The following EYS variants were observed in gnomAD, a reference collection of about 807,000 sequenced individuals.
EYS encodes the protein protein eyes shut homolog.
In EYS, 250 loss-of-function variants were observed where a neutral mutation model predicts 282.1. The observed-to-expected ratio is 0.89, with a 90% CI of 0.80 to 0.98. The LOEUF (loss-of-function observed/expected upper bound fraction) is 0.98. Among genes scored for constraint, EYS ranks in the 50% least tolerant of loss-of-function variants. The pLI, the probability that EYS is intolerant of heterozygous loss-of-function variation, is 0.00. For synonymous variants in EYS, 1,355 were observed against 1,282.9 expected, an observed-to-expected ratio of 1.06 and a Z score of -1.20; for missense variants, 4,016 against 3,709.0, an observed-to-expected ratio of 1.08 and a Z score of -2.15.
At chr6:65,498,817 T>C (rs1766346973) in intron 2 of EYS, among the ~76,000 whole-genome samples, 1 of 152,006 alleles carries the variant, frequency 6.6e-6, no homozygotes, top group Non-Finnish European at 1.5e-5. Flanking sequence ...TGATGTTATG[T>C]GTCTCAGTTT....
chr6:64,225,327 G>A (rs1216627209), intron 31 of EYS, among the ~76,000 whole-genome samples: 1 of 151,904 alleles, frequency 6.6e-6, no homozygotes, highest in East Asian at 1.9e-4. Context: ...CCCAATTCCT[G>A]GAAACTGTGC....
intron 22 of EYS, among the ~76,000 whole-genome samples, chr6:64,670,414 T>TAAAA (rs1769410240): frequency 7.4e-6 from 1 of 134,260 alleles, no homozygotes; most frequent in Non-Finnish European, 1.6e-5. Context: ...AATAAATAAA[T>TAAAA]AAATAAATAA....
Position 64,822,692 on chromosome 6 carries a change from T to A in EYS, c.3123A>T (p.Thr1041=), listed in dbSNP as rs1220615435. Residue 1041 remains threonine, a synonymous_variant, in exon 20 of 43, where the codon ACA becomes ACT. Transcript: ENST00000503581. The part of the protein sequence containing the change: ...KSGFFGTHCE[T]NANDCLSNPC... Reference sequence around the variant, plus strand: ...GATTTGAAAGGCAATCATTGGCGTTTGTTTCACAGTGTGTTCCAAAAAACC... The same window carrying A: ...GATTTGAAAGGCAATCATTGGCGTTAGTTTCACAGTGTGTTCCAAAAAACC... 6.5e-7 allele frequency: 1 copy of A among 1,546,258 alleles called. No homozygotes were observed. The highest frequency in any genetic ancestry group is 8.7e-7 in the Non-Finnish European group (1 of 1,145,070).
At chr6:65,389,321 G>A (rs1202455059) in intron 7 of EYS, among the ~76,000 whole-genome samples, 1 of 152,118 alleles carries the variant, frequency 6.6e-6, no homozygotes, top group Non-Finnish European at 1.5e-5. Context: ...CTCCAGAGCA[G>A]TTAGACTGGA....
chr6:64,135,448 G>T (rs1774128696), intron 31 of EYS, among the ~76,000 whole-genome samples: 1 of 151,996 alleles, frequency 6.6e-6, no homozygotes, highest in South Asian at 2.1e-4. Context: ...AGTGAGAAGG[G>T]ATTTAAATAG....
intron 35 of EYS, among the ~76,000 whole-genome samples, chr6:63,955,401 G>A (rs1765773241): frequency 1.3e-5 from 2 of 152,156 alleles, no homozygotes; most frequent in South Asian, 4.1e-4. Flanking sequence ...AAGATCTTCA[G>A]TGGCAAGGTA....
At chr6:65,470,619 T>A (rs1582338734) in intron 5 of EYS, among the ~76,000 whole-genome samples, 1 of 152,160 alleles carries the variant, frequency 6.6e-6, no homozygotes, top group Admixed American at 6.6e-5. Context: ...ATATGGCTAG[T>A]ACTGTGTTAG....
intron 30 of EYS, among the ~76,000 whole-genome samples, chr6:64,298,950 A>T (rs1262496974): frequency 6.6e-6 from 1 of 152,226 alleles, no homozygotes; most frequent in African/African-American, 2.4e-5. Context: ...AGGACATTAT[A>T]TGTTAATAAA....
intron 29 of EYS, among the ~76,000 whole-genome samples, chr6:64,316,081 G>A (rs192580065): frequency 2.2e-4 from 34 of 152,202 alleles, no homozygotes; most frequent in African/African-American, 6.7e-4. Flanking sequence ...AATAATAAGA[G>A]CAATTAATGA....
chr6:65,442,146 CTA>C (rs1768355039), intron 5 of EYS, among the ~76,000 whole-genome samples: 1 of 151,882 alleles, frequency 6.6e-6, no homozygotes, highest in Non-Finnish European at 1.5e-5. Flanking sequence ...AAAAATATGA[CTA>C]TAATTTTTCT....
At chr6:64,757,604 CCTAA>C (rs1328338494) in intron 22 of EYS, among the ~76,000 whole-genome samples, 4 of 152,088 alleles carry the variant, frequency 2.6e-5, no homozygotes, top group African/African-American at 7.2e-5. Context: ...ATCCCACTCC[CCTAA>C]CTGACAGAAT....
chr6:65,401,104 A>C (rs976797556), intron 7 of EYS, among the ~76,000 whole-genome samples: 13 of 151,972 alleles, frequency 8.6e-5, no homozygotes, highest in Non-Finnish European at 1.8e-4. Flanking sequence ...TTCTAATTTC[A>C]AAGTGTTAGA....
chr6:64,133,574 A>T (rs888753514), intron 31 of EYS, among the ~76,000 whole-genome samples: 9 of 151,982 alleles, frequency 5.9e-5, no homozygotes, highest in Non-Finnish European at 1.3e-4. Context: ...AAATACAGAG[A>T]TCGATTTATA....
rs1026887913 is a variant in EYS, at chr6:64,732,879, G to A, written c.3443+80499C>T. Among the ~76,000 whole-genome samples, 9 of 152,196 alleles carry A rather than the reference G, an allele frequency of 5.9e-5. No individual in the cohort carries two copies. In the South Asian group the frequency reaches 1.7e-3, roughly 28 times the overall value. ...GAAGCCAGAAATTCTGATGTATAAC[G>A]TGAAACCTCTAGATTTCTTATATGG... On this transcript the variant is annotated intron_variant, in intron 22 of 42. Coordinates refer to ENST00000503581, the MANE Select transcript of EYS (RefSeq NM_001142800.2).
At chr6:65,183,703 A>ATTTTTTATATT (rs1765448101) in intron 12 of EYS, among the ~76,000 whole-genome samples, 1 of 151,814 alleles carries the variant, frequency 6.6e-6, no homozygotes, top group African/African-American at 2.4e-5. Flanking sequence ...CCCAGTTAGT[A>ATTTTTTATATT]TTTTATATTT....
intron 22 of EYS, among the ~76,000 whole-genome samples, chr6:64,762,206 AT>A (rs1300913022): frequency 6.6e-6 from 1 of 152,226 alleles, no homozygotes; most frequent in Non-Finnish European, 1.5e-5. Context: ...TTAAAATATA[AT>A]TTTAAAAATG....
intron 13 of EYS, among the ~76,000 whole-genome samples, chr6:65,005,627 C>T (rs773565110): frequency 1.4e-5 from 2 of 147,738 alleles, no homozygotes; most frequent in African/African-American, 2.4e-5. Context: ...ATTAGCATGG[C>T]CGCTGGACTT....
chr6:65,632,503 G>A (rs889486951), intron 2 of EYS, among the ~76,000 whole-genome samples: 1 of 152,110 alleles, frequency 6.6e-6, no homozygotes, highest in Non-Finnish European at 1.5e-5. Flanking sequence ...AGTATAAAGA[G>A]CTCCCTTGGT....
At chr6:64,048,130 T>A (rs1449449361) in intron 33 of EYS, among the ~76,000 whole-genome samples, 1 of 152,150 alleles carries the variant, frequency 6.6e-6, no homozygotes, top group Non-Finnish European at 1.5e-5. Flanking sequence ...GATCTCAAAC[T>A]CCTGACCTCA....
Sources: allele counts gnomAD v4.1 joint callset (sites outside exome capture counted in the v4.1 genomes callset), GRCh38; gene constraint gnomAD v4.1.1; transcripts MANE v1.5; gene names NCBI Gene and HGNC (gene_info 2026-07-23, HGNC 2026-07-21).